MACROH2A1: variants seen among roughly 807,000 people sequenced by gnomAD.
The protein encoded by MACROH2A1 is core histone macro-H2A.1.
Under a neutral mutation model 31.6 loss-of-function variants are expected in MACROH2A1, and 2 were observed. The ratio of observed to expected loss-of-function variants is 0.06; its 90% confidence interval spans 0.03 to 0.20. MACROH2A1 has a LOEUF of 0.20. MACROH2A1 is among the 10% of genes least tolerant of loss of function. The pLI is 1.00. For synonymous variants in MACROH2A1, 169 were observed against 189.6 expected, an observed-to-expected ratio of 0.89 and a Z score of 0.89; for missense variants, 230 against 474.0, an observed-to-expected ratio of 0.49 and a Z score of 4.78.
At chr5:135,388,355 G>A (rs1000689440) in intron 2 of MACROH2A1, among the ~76,000 whole-genome samples, 8 of 152,118 alleles carry the variant, frequency 5.3e-5, no homozygotes, top group African/African-American at 1.7e-4. Flanking sequence ...GCCTCCCGAC[G>A]TGATGCACAG....
At chr5:135,346,391 A>G (rs1301446450) in intron 6 of MACROH2A1, 2 of 286,596 alleles carry the variant, frequency 7.0e-6, no homozygotes, top group Non-Finnish European at 1.3e-5. Context: ...TTTCATTGGC[A>G]TGAGATACTA....
At chr5:135,378,301 G>C (rs1020122912) in intron 2 of MACROH2A1, among the ~76,000 whole-genome samples, 1 of 152,280 alleles carries the variant, frequency 6.6e-6, no homozygotes, top group East Asian at 1.9e-4. Context: ...GCCCCTTCCC[G>C]GCGGGCCAGC....
intron 5 of MACROH2A1, chr5:135,359,534 G>A: frequency 2.0e-6 from 2 of 984,834 alleles, no homozygotes; most frequent in Non-Finnish European, 2.4e-6. Flanking sequence ...GTCCACCACA[G>A]GAATTGCATC....
chr5:135,369,643 C>T lies in MACROH2A1; in HGVS notation c.280-40G>A. 3 of 1,524,506 alleles carry T rather than the reference C, an allele frequency of 2.0e-6. No homozygotes were observed. The highest frequency in any genetic ancestry group is 1.8e-6 in the Non-Finnish European group (2 of 1,100,184). 94.4% of individuals were successfully genotyped at this position (1,524,506 alleles called of 1,614,324 possible). A position where few individuals can be genotyped will look rare whatever the true frequency, so the allele number is the denominator to read the frequency against. ...AGAATAGCAGATAGTGAGCCAGATA[C>T]CCTGCTTCTAACCTTCAAGAAGCCA... On this transcript the variant is annotated intron_variant, in intron 3 of 8. Transcript: ENST00000511689. The surrounding 1 kb of genome is among the most constrained non-coding windows in gnomAD (Gnocchi z 4.3).
intron 4 of MACROH2A1, among the ~76,000 whole-genome samples, chr5:135,368,797 G>A (rs1381918498): frequency 1.3e-5 from 2 of 152,222 alleles, no homozygotes; most frequent in African/African-American, 4.8e-5. Flanking sequence ...ATGACCTGGA[G>A]TCTGCTGGCC....
At chr5:135,350,741 A>C in intron 6 of MACROH2A1, 1 of 808,994 alleles carries the variant, frequency 1.2e-6, no homozygotes, top group South Asian at 1.4e-5. Flanking sequence ...GCAGCCCTGC[A>C]TAGCTGTCAA....
chr5:135,365,325 T>C (rs1022062945), intron 4 of MACROH2A1, among the ~76,000 whole-genome samples: 2 of 151,444 alleles, frequency 1.3e-5, no homozygotes, highest in Non-Finnish European at 2.9e-5. Flanking sequence ...TCAGGCCTAC[T>C]TGCCATTCCT....
intron 4 of MACROH2A1, among the ~76,000 whole-genome samples, chr5:135,367,209 G>A (rs1036721034): frequency 2.6e-5 from 4 of 152,100 alleles, no homozygotes; most frequent in African/African-American, 9.7e-5. Flanking sequence ...CTGTTTCTGG[G>A]AGCTGACACC....
rs370160432 is a variant in MACROH2A1, at chr5:135,369,629, T to C, written c.280-26A>G. 3.9e-4 allele frequency: 614 copies of C among 1,579,628 alleles called. 5 individuals are homozygous for C. The South Asian group carries it at 6.3e-3, about 16-fold the overall frequency. ...CTTTCAGGAAAACCAGAATAGCAGA[T>C]AGTGAGCCAGATACCCTGCTTCTAA... On this transcript the variant is annotated intron_variant, in intron 3 of 8. Coordinates refer to ENST00000511689, the MANE Select transcript of MACROH2A1 (RefSeq NM_138610.3). This position sits in a 1 kb window ranked among gnomAD's most constrained non-coding sequence, Gnocchi z 4.3.
intron 4 of MACROH2A1, among the ~76,000 whole-genome samples, chr5:135,365,328 C>T (rs551950606): frequency 1.3e-5 from 2 of 151,230 alleles, no homozygotes; most frequent in African/African-American, 4.9e-5. Flanking sequence ...GGCCTACTTG[C>T]CATTCCTCTG....
intron 2 of MACROH2A1, among the ~76,000 whole-genome samples, chr5:135,388,088 G>T (rs1428668847): frequency 6.8e-6 from 1 of 148,056 alleles, no homozygotes; most frequent in Non-Finnish European, 1.5e-5. Context: ...ACAGGGAAAG[G>T]TTTTATTACA....
chr5:135,357,755 A>T, intron 5 of MACROH2A1: 2 of 984,954 alleles, frequency 2.0e-6, no homozygotes, highest in Non-Finnish European at 2.4e-6. Flanking sequence ...TTTTTAAAAC[A>T]ATTCAACAAT....
At chr5:135,346,239 T>C (rs1760817655) in intron 6 of MACROH2A1, 182 bp from the exon 7 acceptor site, 1 of 595,820 alleles carries the variant, frequency 1.7e-6, no homozygotes, top group Non-Finnish European at 3.0e-6. Flanking sequence ...TCATCACCAG[T>C]TACTACCCTC....
chr5:135,388,173 C>A (rs919343442), intron 2 of MACROH2A1, among the ~76,000 whole-genome samples: 7 of 150,718 alleles, frequency 4.6e-5, no homozygotes, highest in African/African-American at 1.2e-4. Context: ...AATGAAAAAA[C>A]CCACTATTTT....
At chr5:135,388,826 G>A in intron 2 of MACROH2A1, 96 bp downstream of exon 2, 1 of 1,067,566 alleles carries the variant, frequency 9.4e-7, no homozygotes, top group African/African-American at 1.6e-5. Context: ...GGTTTGAGCT[G>A]TTTCAAAATA....
intron 1 of MACROH2A1, among the ~76,000 whole-genome samples, chr5:135,394,825 C>T (rs1419587509): frequency 6.6e-6 from 1 of 152,196 alleles, no homozygotes; most frequent in African/African-American, 2.4e-5. Context: ...CCCTGCCTGG[C>T]ACCCGGTAGA....
intron 6 of MACROH2A1, chr5:135,347,504 T>C (rs1463299764): frequency 6.6e-6 from 1 of 152,238 alleles, no homozygotes; most frequent in Non-Finnish European, 1.5e-5. Context: ...CTCCTGCCTC[T>C]ACCTGTCCTG....
Position 135,398,665 on chromosome 5 carries a change from GC to G in MACROH2A1, c.-34+396del, listed in dbSNP as rs1768396611. Among the ~76,000 whole-genome samples the G allele has an allele frequency of 6.6e-6, 1 of 152,130 alleles. No individual in the cohort carries two copies. Among genetic ancestry groups the G allele is most frequent in the South Asian group, 2.1e-4 (1 of 4,832 alleles). ...ACTCTGCTCACAGCAGCTCCCGGGT[GC>G]CCAGGCCCAGACTGCCTAGCCAGCG... On this transcript the variant is annotated intron_variant, in intron 1 of 8. Coordinates refer to ENST00000511689, the MANE Select transcript of MACROH2A1 (RefSeq NM_138610.3). This position sits in a 1 kb window ranked among gnomAD's most constrained non-coding sequence, Gnocchi z 4.6.
At position 135,398,110 on chromosome 5, in the gene MACROH2A1, C is replaced by T. The variant is rs1429722936; in HGVS notation, c.-34+952G>A. Among the ~76,000 whole-genome samples, 1 of 152,182 alleles carries T rather than the reference C, an allele frequency of 6.6e-6. No homozygotes were observed. Among genetic ancestry groups the T allele is most frequent in the Non-Finnish European group, 1.5e-5 (1 of 68,028 alleles). The stretch of plus-strand genomic sequence containing the variant: ...TGTACAGAAGTCTCTCACTTTGAAA[C>T]TCAGAAACATTTCCCCTAACATCTT... On this transcript the variant is annotated intron_variant, in intron 1 of 8. Transcript: ENST00000511689. This position sits in a 1 kb window ranked among gnomAD's most constrained non-coding sequence, Gnocchi z 4.6.
Sources: allele counts gnomAD v4.1 joint callset (sites outside exome capture counted in the v4.1 genomes callset), GRCh38; gene constraint gnomAD v4.1.1; non-coding constraint Gnocchi (gnomAD v3.1); transcripts MANE v1.5; gene names NCBI Gene and HGNC (gene_info 2026-07-23, HGNC 2026-07-21).